JAKMIP2: variants seen among roughly 807,000 people sequenced by gnomAD.
JAKMIP2 encodes janus kinase and microtubule-interacting protein 2.
In JAKMIP2, 25 loss-of-function variants were observed where a neutral mutation model predicts 115.0. That is an observed-to-expected ratio of 0.22 (90% confidence interval 0.16 to 0.30). The LOEUF is 0.30. Ranked by LOEUF, JAKMIP2 falls within the 10% of genes least tolerant of loss-of-function variation. JAKMIP2 has a pLI of 1.00. For missense variants in JAKMIP2, 642 were observed against 957.6 expected (o/e 0.67, Z 4.35); for synonymous variants, 334 against 343.6 (o/e 0.97, Z 0.31).
At chr5:147,651,597 T>C (rs2126750416) in intron 3 of JAKMIP2, among the ~76,000 whole-genome samples, 1 of 152,252 alleles carries the variant, frequency 6.6e-6, no homozygotes, top group Non-Finnish European at 1.5e-5. Context: ...TTTGTATAAA[T>C]TTTTCTTTGC....
At chr5:147,597,177 C>G (rs57112007) in intron 21 of JAKMIP2, among the ~76,000 whole-genome samples, 6 of 152,024 alleles carry the variant, frequency 3.9e-5, no homozygotes, top group Non-Finnish European at 5.9e-5. Context: ...GCCACCGCGC[C>G]TGGCCGATCG....
chr5:147,657,238 C>A (rs1295838769), intron 3 of JAKMIP2, among the ~76,000 whole-genome samples: 2 of 152,192 alleles, frequency 1.3e-5, no homozygotes, highest in Admixed American at 6.5e-5. Context: ...CGAGATCGCG[C>A]CACTGCACTC....
chr5:147,611,483 C>T (rs774986535), intron 20 of JAKMIP2, among the ~76,000 whole-genome samples: 1 of 152,182 alleles, frequency 6.6e-6, no homozygotes, highest in Non-Finnish European at 1.5e-5. Flanking sequence ...CAACACCCCA[C>T]CCTGCTTTGG....
chr5:147,658,895 T>C (rs2126773938), intron 3 of JAKMIP2, among the ~76,000 whole-genome samples: 1 of 152,152 alleles, frequency 6.6e-6, no homozygotes, highest in African/African-American at 2.4e-5. Flanking sequence ...AACTCAATCA[T>C]CTCAGGCTGA....
At chr5:147,776,800 C>T (rs1755573726) in intron 1 of JAKMIP2, among the ~76,000 whole-genome samples, 1 of 152,008 alleles carries the variant, frequency 6.6e-6, no homozygotes. Context: ...CGGTGGTGAG[C>T]ACCTGTAGTT....
intron 1 of JAKMIP2, among the ~76,000 whole-genome samples, chr5:147,698,195 T>C (rs542238143): frequency 3.1e-3 from 471 of 152,360 alleles, no homozygotes; most frequent in Non-Finnish European, 4.9e-3. Flanking sequence ...GATTTTGGAC[T>C]TGCATGACCC....
At chr5:147,595,412 TC>T in intron 21 of JAKMIP2, 1 of 456,740 alleles carries the variant, frequency 2.2e-6, no homozygotes, top group Non-Finnish European at 4.4e-6. Context: ...GTTCCTTCTG[TC>T]CTGTGACACA....
rs539563631 is a variant in JAKMIP2, at chr5:147,695,152, T to C, written c.-148-23198A>G. Among the ~76,000 whole-genome samples the C allele has an allele frequency of 2.6e-5, 4 of 152,304 alleles. No individual in the cohort carries two copies. In the South Asian group the frequency reaches 6.2e-4, roughly 24 times the overall value. On this transcript the variant is annotated intron_variant, in intron 1 of 21. Coordinates refer to ENST00000616793, the MANE Select transcript of JAKMIP2 (RefSeq NM_001270941.2). ...TAAATATTAACACCCAGGACTCTTA[T>C]GGAATGATTTTTTTTGTACTAAGTT...
chr5:147,746,939 A>G (rs1232452041), intron 1 of JAKMIP2, among the ~76,000 whole-genome samples: 1 of 152,192 alleles, frequency 6.6e-6, no homozygotes, highest in Admixed American at 6.5e-5. Flanking sequence ...GCCAGTGCCC[A>G]TAAGTTAGTG....
chr5:147,769,237 G>A (rs543007538), intron 1 of JAKMIP2, among the ~76,000 whole-genome samples: 2 of 152,202 alleles, frequency 1.3e-5, no homozygotes, highest in South Asian at 4.1e-4. Context: ...CACCCTCAAA[G>A]TGTGAGATGT....
rs1757346721 is a variant in JAKMIP2, at chr5:147,631,481, G to A, written c.1807C>T (p.Leu603Phe). 5 of 1,611,466 alleles carry A rather than the reference G, an allele frequency of 3.1e-6. No homozygotes were observed. The highest frequency in any genetic ancestry group is 4.2e-6 in the Non-Finnish European group (5 of 1,177,770). Residue 603 changes from leucine to phenylalanine, a missense_variant, in exon 14 of 22, where the codon CTC (leucine) becomes TTC (phenylalanine). Coordinates refer to ENST00000616793, the MANE Select transcript of JAKMIP2 (RefSeq NM_001270941.2). Reference protein sequence around the residue: ...ERERRSPPFNLQIHPFSDGVS... With the variant: ...ERERRSPPFNFQIHPFSDGVS... ...CCATCTGAGAATGGGTGAATTTGGA[G>A]ATTAAATGGAGGGGATCGTCTCTCT...
chr5:147,624,233 A>G (rs1756994111), intron 16 of JAKMIP2, among the ~76,000 whole-genome samples: 1 of 152,194 alleles, frequency 6.6e-6, no homozygotes, highest in East Asian at 1.9e-4. Context: ...AGCAAGTGTC[A>G]GGTGCTGTAC....
At chr5:147,758,294 C>T (rs975290409) in intron 1 of JAKMIP2, among the ~76,000 whole-genome samples, 1 of 151,846 alleles carries the variant, frequency 6.6e-6, no homozygotes, top group Non-Finnish European at 1.5e-5. Flanking sequence ...CTGTTGGTAA[C>T]GAAAAGGCAT....
chr5:147,715,894 G>T, intron 1 of JAKMIP2, among the ~76,000 whole-genome samples: 1 of 138,012 alleles, frequency 7.2e-6, no homozygotes, highest in Non-Finnish European at 1.5e-5. Context: ...TGCACAATGT[G>T]CAGGTTAGTT....
At chr5:147,605,469 A>G (rs1195263084) in intron 20 of JAKMIP2, among the ~76,000 whole-genome samples, 1 of 152,096 alleles carries the variant, frequency 6.6e-6, no homozygotes, top group Non-Finnish European at 1.5e-5. Context: ...TCGGCCTCCC[A>G]AAGTGCTGGG....
chr5:147,722,424 C>A (rs1449790509), intron 1 of JAKMIP2, among the ~76,000 whole-genome samples: 1 of 152,090 alleles, frequency 6.6e-6, no homozygotes, highest in African/African-American at 2.4e-5. Flanking sequence ...TGTGAGGTAC[C>A]TTGTGTAAGT....
chr5:147,645,408 A>G (rs148051594), intron 5 of JAKMIP2, among the ~76,000 whole-genome samples: 1 of 152,302 alleles, frequency 6.6e-6, no homozygotes, highest in African/African-American at 2.4e-5. Context: ...GCCACTAAGT[A>G]ATGCGACCAG....
rs1180077978 is a variant in JAKMIP2 at position 147,661,286 on chromosome 5, C to T, written c.289G>A (p.Glu97Lys). The change falls in exon 3 of 22, where the codon GAG becomes AAG. Residue 97 changes from glutamate to lysine, a missense_variant. Glu to Lys is a moderately conservative substitution (Grantham distance 56). Transcript: ENST00000616793. ...AVRENLIKQH[E>K]QEMSRTVKVR... ...TTCACCGTCCTTGACATTTCCTGCT[C>T]GTGCTGCTTGATAAGGTTCTCCCTC... 1 of 1,613,790 alleles carries T rather than the reference C, an allele frequency of 6.2e-7. No individual in the cohort carries two copies. Among genetic ancestry groups the T allele is most frequent in the African/African-American group, 1.3e-5 (1 of 74,844 alleles).
intron 20 of JAKMIP2, among the ~76,000 whole-genome samples, chr5:147,604,687 A>G (rs1008813405): frequency 1.3e-5 from 2 of 152,112 alleles, no homozygotes; most frequent in Admixed American, 6.6e-5. Context: ...TTTACCATAC[A>G]GGGATTCAGG....
Sources: allele counts gnomAD v4.1 joint callset (sites outside exome capture counted in the v4.1 genomes callset), GRCh38; gene constraint gnomAD v4.1.1; transcripts MANE v1.5; gene names NCBI Gene and HGNC (gene_info 2026-07-23, HGNC 2026-07-21).